The following CEP78 variants were observed in gnomAD, a reference collection of about 807,000 sequenced individuals.
The protein encoded by CEP78 is centrosomal protein of 78 kDa.
In CEP78, 76 loss-of-function variants were observed where a neutral mutation model predicts 81.2. That is an observed-to-expected ratio of 0.94 (90% CI 0.78 to 1.13). CEP78 has a LOEUF of 1.13. Ranked by LOEUF, CEP78 falls within the 50% of genes most tolerant of loss-of-function variation. The probability of loss-of-function intolerance (pLI) is 0.00; values close to 1 mark genes in which losing one functional copy is unlikely to be tolerated. For missense variants in CEP78, 918 were observed against 846.8 expected (o/e 1.08, Z -1.04); for synonymous variants, 293 against 301.4 (o/e 0.97, Z 0.29).
At chr9:78,249,526 C>T (rs568981013) in intron 8 of CEP78, 1 of 152,134 alleles carries the variant, frequency 6.6e-6, no homozygotes, top group East Asian at 1.9e-4. Context: ...TTGAAATTGT[C>T]TATAATTTTG....
chr9:78,261,657 A>G (rs1184232501), intron 11 of CEP78, among the ~76,000 whole-genome samples: 1 of 152,198 alleles, frequency 6.6e-6, no homozygotes, highest in Non-Finnish European at 1.5e-5. Flanking sequence ...TGTGATTTTT[A>G]GAACTAGTTA....
rs986870969 is a variant in CEP78 at position 78,276,510 on chromosome 9, T to TG, written c.*5659_*5660insG. 1 of 152,036 alleles carries TG rather than the reference T, an allele frequency of 6.6e-6. No homozygotes were observed. The highest frequency in any genetic ancestry group is 2.4e-5 in the African/African-American group (1 of 41,420). 9.4% of individuals were successfully genotyped at this position (152,036 alleles called of 1,614,324 possible). ...TATTTGTAAATATGGGGTCTTTTTT[T>TG]TTTTGGACAAAAAACCCCCTGTGAT... On this transcript the variant is annotated 3_prime_UTR_variant, in exon 17 of 17. Coordinates refer to ENST00000643273, the MANE Select transcript of CEP78 (RefSeq NM_001330691.3).
rs559979383 is a variant in CEP78, at chr9:78,255,035, G to C, written c.1380+71G>C. ...TCTAGTTAGTTTTTGGTGAAAGCTT[G>C]ATTATGAACTGGACAGCTTGCATGG... On this transcript the variant is annotated intron_variant, in intron 11 of 16. Coordinates refer to ENST00000643273, the MANE Select transcript of CEP78 (RefSeq NM_001330691.3). 45 of 1,321,646 alleles carry C rather than the reference G, an allele frequency of 3.4e-5. No homozygotes were observed. In the South Asian group the frequency reaches 5.2e-4, roughly 15 times the overall value. The allele number at this position is 1,321,646 out of a possible 1,614,324, so 81.9% of individuals were successfully genotyped here.
At position 78,273,377 on chromosome 9, in the gene CEP78, T is replaced by G. The variant is rs1356514866; in HGVS notation, c.*2526T>G. Reference sequence around the variant, plus strand: ...AAAATTGGTAAAGGGGACAAAAGCTTCTTTTGGCTGATAAGTACAGTGTTG... The same window carrying G: ...AAAATTGGTAAAGGGGACAAAAGCTGCTTTTGGCTGATAAGTACAGTGTTG... On this transcript the variant is annotated 3_prime_UTR_variant, in exon 17 of 17. Coordinates refer to ENST00000643273, the MANE Select transcript of CEP78 (RefSeq NM_001330691.3). The G allele has an allele frequency of 1.3e-5, 2 of 152,180 alleles. No individual in the cohort carries two copies. The highest frequency in any genetic ancestry group is 2.4e-5 in the African/African-American group (1 of 41,452). 9.4% of individuals were successfully genotyped at this position (152,180 alleles called of 1,614,324 possible).
Position 78,260,655 on chromosome 9 carries a change from C to T in CEP78, c.1381-2252C>T, listed in dbSNP as rs182318526. The stretch of plus-strand genomic sequence containing the variant: ...CTGGGAGGTGGAGCTTGCAGTGAGC[C>T]GAGATCAGGCCACTGTACTCCAGCC... On this transcript the variant is annotated intron_variant, in intron 11 of 16. Coordinates refer to ENST00000643273, the MANE Select transcript of CEP78 (RefSeq NM_001330691.3). 5.5e-5 allele frequency among the ~76,000 whole-genome samples: 8 copies of T among 146,200 alleles called. No homozygotes were observed. In the East Asian group the frequency reaches 1.2e-3, roughly 22 times the overall value.
intron 16 of CEP78, among the ~76,000 whole-genome samples, chr9:78,268,158 A>G (rs150389322): frequency 2.5e-3 from 385 of 152,310 alleles, no homozygotes; most frequent in African/African-American, 9.0e-3. Context: ...GGCCAACTAA[A>G]GAGACCAAAG....
chr9:78,261,446 T>G (rs1827272266), intron 11 of CEP78, among the ~76,000 whole-genome samples: 1 of 152,172 alleles, frequency 6.6e-6, no homozygotes, highest in African/African-American at 2.4e-5. Flanking sequence ...CTACAACACT[T>G]TATCATTAGT....
intron 11 of CEP78, 95 bp from the exon 12 acceptor site, chr9:78,262,812 C>G (rs1297092492): frequency 4.6e-5 from 29 of 632,084 alleles, no homozygotes; most frequent in Non-Finnish European, 7.4e-5. Flanking sequence ...ACTTCTGGCT[C>G]TGTCCCTAAA....
chr9:78,243,674 T>TATCAAAAAATTCAATA, intron 5 of CEP78, 38 bp downstream of exon 5: 1 of 1,556,036 alleles, frequency 6.4e-7, no homozygotes, highest in Non-Finnish European at 8.8e-7. Flanking sequence ...AAATATTGAA[T>TATCAAAAAATTCAATA]TTTTTGATAT....
At chr9:78,248,894 T>G (rs778203358) in intron 8 of CEP78, 21 bp downstream of exon 8, 2 of 1,212,042 alleles carry the variant, frequency 1.7e-6, no homozygotes, top group Admixed American at 4.3e-5. Context: ...CTGTCTTGGC[T>G]TTTTAATGCT....
intron 1 of CEP78, among the ~76,000 whole-genome samples, chr9:78,239,653 G>C (rs552037098): frequency 6.6e-6 from 1 of 152,294 alleles, no homozygotes; most frequent in African/African-American, 2.4e-5. Flanking sequence ...TCCGGCTACG[G>C]CTCTGGGCTT....
chr9:78,270,879 A>C lies in CEP78; in HGVS notation c.*28A>C, dbSNP rs762704559. 1.3e-4 allele frequency: 91 copies of C among 680,080 alleles called. No homozygotes were observed. Among genetic ancestry groups the C allele is most frequent in the Admixed American group, 7.1e-5 (3 of 42,130 alleles). The allele number at this position is 680,080 out of a possible 1,614,324, so 42.1% of individuals were successfully genotyped here. On this transcript the variant is annotated 3_prime_UTR_variant, in exon 17 of 17. Coordinates refer to ENST00000643273, the MANE Select transcript of CEP78 (RefSeq NM_001330691.3). ...TGACTGGAGAAATATTAAAATAAAA[A>C]TAATAGCAGAGTTGGAAAACCAGAA...
chr9:78,268,172 A>G (rs887964449), intron 16 of CEP78, among the ~76,000 whole-genome samples: 1 of 152,202 alleles, frequency 6.6e-6, no homozygotes, highest in Non-Finnish European at 1.5e-5. Flanking sequence ...ACCAAAGGTC[A>G]TGTTAATTTC....
chr9:78,250,992 A>G (rs1250391639), intron 8 of CEP78, among the ~76,000 whole-genome samples: 1 of 152,216 alleles, frequency 6.6e-6, no homozygotes, highest in Non-Finnish European at 1.5e-5. Context: ...AAGCTGCTAA[A>G]GTAGATCTTA....
rs1398234722 is a variant in CEP78, at chr9:78,275,068, T to G, written c.*4217T>G. 1 of 151,970 alleles carries G rather than the reference T, an allele frequency of 6.6e-6. No homozygotes were observed. The highest frequency in any genetic ancestry group is 1.5e-5 in the Non-Finnish European group (1 of 68,000). 9.4% of individuals were successfully genotyped at this position (151,970 alleles called of 1,614,324 possible). Reference sequence around the variant, plus strand: ...TAAAGAAAAAAAAGCAAGAAGTAATTAACAAAAATTGCCAGCATTAGGAAT... The same window carrying G: ...TAAAGAAAAAAAAGCAAGAAGTAATGAACAAAAATTGCCAGCATTAGGAAT... On this transcript the variant is annotated 3_prime_UTR_variant, in exon 17 of 17. Coordinates refer to ENST00000643273, the MANE Select transcript of CEP78 (RefSeq NM_001330691.3).
intron 11 of CEP78, among the ~76,000 whole-genome samples, chr9:78,257,691 A>G (rs1157563047): frequency 6.6e-6 from 1 of 152,230 alleles, no homozygotes; most frequent in Non-Finnish European, 1.5e-5. Flanking sequence ...AAATTAAACT[A>G]TGGCAGATTT....
intron 8 of CEP78, chr9:78,250,056 A>C: frequency 2.6e-6 from 1 of 378,960 alleles, no homozygotes; most frequent in Non-Finnish European, 4.6e-6. Context: ...CATAAAATAT[A>C]AAACATTAGA....
rs1039534621 is a variant in CEP78, at chr9:78,278,221, G to T, written c.*7370G>T. Reference sequence around the variant, plus strand: ...CCTTTTCATCATAGAAAATGAAAATGTGTACTCTGTTATCCTTTACGCTCT... The same window carrying T: ...CCTTTTCATCATAGAAAATGAAAATTTGTACTCTGTTATCCTTTACGCTCT... On this transcript the variant is annotated 3_prime_UTR_variant, in exon 17 of 17. Coordinates refer to ENST00000643273, the MANE Select transcript of CEP78 (RefSeq NM_001330691.3). The T allele has an allele frequency of 2.0e-5, 3 of 152,154 alleles. No individual in the cohort carries two copies. The highest frequency in any genetic ancestry group is 7.2e-5 in the African/African-American group (3 of 41,420). The allele number at this position is 152,154 out of a possible 1,614,324, so 9.4% of individuals were successfully genotyped here.
At chr9:78,240,509 GA>G in intron 3 of CEP78, 145 bp downstream of exon 3, 1 of 710,826 alleles carries the variant, frequency 1.4e-6, no homozygotes, top group Non-Finnish European at 2.4e-6. Context: ...AGTCTACCAT[GA>G]AAGCTTGGCA....
Sources: gnomAD v4.1 joint callset for allele counts (sites outside exome capture counted in the v4.1 genomes callset) on GRCh38, gnomAD v4.1.1 for gene constraint, MANE v1.5 for transcripts, NCBI Gene and HGNC (gene_info 2026-07-23, HGNC 2026-07-21) for gene names.